ADGRF1: variants seen among roughly 807,000 people sequenced by gnomAD.
ADGRF1 encodes adhesion G protein-coupled receptor F1.
Under a neutral mutation model 87.2 loss-of-function variants are expected in ADGRF1, and 85 were observed. The observed-to-expected ratio is 0.97, with a 90% confidence interval of 0.82 to 1.17. The LOEUF (loss-of-function observed/expected upper bound fraction) is 1.17, where lower values mean the gene tolerates loss of function less well. ADGRF1 is among the 50% of genes most tolerant of loss of function. The pLI, the probability that ADGRF1 is intolerant of heterozygous loss-of-function variation, is 0.00. For synonymous variants in ADGRF1, 430 were observed against 408.8 expected, an observed-to-expected ratio of 1.05 and a Z score of -0.63; for missense variants, 1,169 against 1,077.2, an observed-to-expected ratio of 1.09 and a Z score of -1.19.
At chr6:47,014,046 C>T in intron 9 of ADGRF1, 1 of 162,818 alleles carries the variant, frequency 6.1e-6, no homozygotes, top group East Asian at 1.9e-4. Context: ...TACCCAGTCT[C>T]AAATAGTTCT....
At position 47,012,024 on chromosome 6, in the gene ADGRF1, A is replaced by G; in HGVS notation, c.1099T>C (p.Ser367Pro). ...GACCATACCTCCATTGTTGAATTGG[A>G]CACCCTGAAATGGCTGGCCAGTGAC... The part of the protein sequence containing the change: ...SLSLASHFRV[S>P]NSTMEDVISI... The change falls in exon 10 of 15, where the codon TCC (serine) becomes CCC (proline). Residue 367 changes from serine (S) to proline (P), a missense_variant. Transcript: ENST00000371253. 1.9e-6 allele frequency: 3 copies of G among 1,613,706 alleles called. No individual in the cohort carries two copies. Among genetic ancestry groups the G allele is most frequent in the Non-Finnish European group, 2.5e-6 (3 of 1,179,756 alleles).
At position 47,010,302 on chromosome 6, in the gene ADGRF1, G is replaced by A. The variant is rs148317089; in HGVS notation, c.1133C>T (p.Ala378Val). The A allele has an allele frequency of 1.2e-4, 197 of 1,607,222 alleles. No homozygotes were observed. Among genetic ancestry groups the A allele is most frequent in the Non-Finnish European group, 2.0e-5 (23 of 1,176,490 alleles). The change falls in exon 11 of 15, where the codon GCT becomes GTT. Residue 378 changes from alanine to valine, a missense_variant. By Grantham distance (64) the Ala-to-Val change is moderately conservative. Transcript: ENST00000371253. ...TGAGGCTGAATTAAGGATATTGTCA[G>A]CTATACTGATGACATCCTGAAACAC... ...NSTMEDVISI[A>V]DNILNSASVT...
At chr6:47,010,343 T>C in intron 10 of ADGRF1, 25 bp from the exon 11 acceptor site, 1 of 1,557,614 alleles carries the variant, frequency 6.4e-7, no homozygotes, top group Non-Finnish European at 8.7e-7. Flanking sequence ...TGAGAGTCAG[T>C]TTGTGTTTTT....
At chr6:47,001,701 T>G in intron 13 of ADGRF1, 134 bp from the exon 14 acceptor site, 1 of 668,706 alleles carries the variant, frequency 1.5e-6, no homozygotes, top group Non-Finnish European at 2.5e-6. Flanking sequence ...TTTAAGAATT[T>G]AGAATGGTTA....
chr6:47,022,804 C>CTTTTTTTTTTTTTT (rs11286179), intron 5 of ADGRF1, among the ~76,000 whole-genome samples: 16 of 119,274 alleles, frequency 1.3e-4, no homozygotes, highest in African/African-American at 2.0e-4. Context: ...TTTCTTTTTT[C>CTTTTTTTTTTTTTT]TTTTTTTTTT....
chr6:47,021,912 T>A (rs758020572), intron 6 of ADGRF1, 46 bp downstream of exon 6: 1 of 1,009,218 alleles, frequency 9.9e-7, no homozygotes. Context: ...CATTTGAACT[T>A]GAGTGTAGCA....
intron 1 of ADGRF1, among the ~76,000 whole-genome samples, chr6:47,033,563 T>C (rs1054433176): frequency 2.0e-5 from 3 of 152,280 alleles, no homozygotes; most frequent in Non-Finnish European, 4.4e-5. Flanking sequence ...GAATTCCCAG[T>C]AGAGCTGTCT....
At chr6:47,013,358 TC>T in intron 9 of ADGRF1, 1 of 985,326 alleles carries the variant, frequency 1.0e-6, no homozygotes, top group Non-Finnish European at 1.2e-6. Flanking sequence ...CTAATCCCCT[TC>T]CCCAGTTTAC....
intron 4 of ADGRF1, among the ~76,000 whole-genome samples, chr6:47,025,216 G>A (rs1554136804): frequency 1.3e-5 from 2 of 152,112 alleles, no homozygotes; most frequent in Non-Finnish European, 2.9e-5. Context: ...TACCCATGGT[G>A]TGCAGTGAAT....
chr6:47,028,908 C>T, intron 2 of ADGRF1, 85 bp downstream of exon 2: 1 of 1,006,492 alleles, frequency 9.9e-7, no homozygotes, highest in South Asian at 1.3e-5. Flanking sequence ...AGTTGCAGTC[C>T]CCTAGAGAGT....
rs1395604385 is a variant in ADGRF1, at chr6:46,999,481, T to C, written c.*741A>G. The C allele has an allele frequency of 6.6e-6, 1 of 152,078 alleles. No individual in the cohort carries two copies. Among genetic ancestry groups the C allele is most frequent in the African/African-American group, 2.4e-5 (1 of 41,450 alleles). 9.4% of individuals were successfully genotyped at this position (152,078 alleles called of 1,614,324 possible). On this transcript the variant is annotated 3_prime_UTR_variant, in exon 15 of 15. Transcript: ENST00000371253. ...GGCTTCACAATCTTTGGCAAGTCACTTTACCTCTCTGAGCCCCCATGCCCT... is the reference window on the plus strand; with the variant it reads ...GGCTTCACAATCTTTGGCAAGTCACCTTACCTCTCTGAGCCCCCATGCCCT...
chr6:47,015,400 T>A (rs1304427260), intron 8 of ADGRF1, among the ~76,000 whole-genome samples: 1 of 150,280 alleles, frequency 6.7e-6, no homozygotes, highest in African/African-American at 2.5e-5. Context: ...AACTGGAAGA[T>A]CCACAAGGGC....
At chr6:47,033,568 CTG>C (rs1225264209) in intron 1 of ADGRF1, among the ~76,000 whole-genome samples, 2 of 152,284 alleles carry the variant, frequency 1.3e-5, no homozygotes, top group East Asian at 1.9e-4. Flanking sequence ...CCCAGTAGAG[CTG>C]TCTCTTTCCT....
chr6:47,009,694 T>C lies in ADGRF1; in HGVS notation c.1741A>G (p.Ile581Val), dbSNP rs767072698. 4.3e-6 allele frequency: 7 copies of C among 1,614,014 alleles called. No individual in the cohort carries two copies. The African/African-American group carries it at 6.7e-5, about 15-fold the overall frequency. ...GTGATCCATTTTACAACGGGGAAGA[T>C]TGTAGAGGGGACAAAAGGTGACATC... is the stretch of plus-strand genomic sequence containing the variant. ...ILMSPFVPST[I>V]FPVVKWITYV... is the part of the protein sequence containing the mutation. Residue 581 changes from isoleucine to valine, a missense_variant, in exon 11 of 15, where the codon ATC becomes GTC. Physicochemically the swap from Ile to Val is conservative, Grantham distance 29. Transcript: ENST00000371253.
At position 47,012,011 on chromosome 6, in the gene ADGRF1, A is replaced by G. The variant is rs1779721481; in HGVS notation, c.1112T>C (p.Met371Thr). ...TCAAGCACAGGCAGACCATACCTCC[A>G]TTGTTGAATTGGACACCCTGAAATG... ...ASHFRVSNST[M>T]EDVISIADNI... is the part of the protein sequence containing the mutation. The change falls in exon 10 of 15, where the codon ATG (methionine) becomes ACG (threonine). Residue 371 changes from methionine to threonine, a missense_variant. Physicochemically the swap from Met to Thr is moderately conservative, Grantham distance 81. Coordinates refer to ENST00000371253, the MANE Select transcript of ADGRF1 (RefSeq NM_153840.4). The G allele has an allele frequency of 2.5e-6, 4 of 1,613,074 alleles. No homozygotes were observed. The African/African-American group carries it at 4.0e-5, about 16-fold the overall frequency.
At chr6:47,030,561 T>C (rs1177201948) in intron 1 of ADGRF1, among the ~76,000 whole-genome samples, 4 of 148,666 alleles carry the variant, frequency 2.7e-5, no homozygotes, top group African/African-American at 5.0e-5. Flanking sequence ...AAGAAAGATA[T>C]GTGATAACAT....
intron 1 of ADGRF1, among the ~76,000 whole-genome samples, chr6:47,038,638 G>T (rs1052631795): frequency 1.3e-5 from 2 of 152,022 alleles, no homozygotes; most frequent in Non-Finnish European, 2.9e-5. Flanking sequence ...ATATATTATT[G>T]TTAAGTATAA....
intron 5 of ADGRF1, among the ~76,000 whole-genome samples, chr6:47,023,506 A>C (rs1336803137): frequency 6.6e-6 from 1 of 152,186 alleles, no homozygotes; most frequent in African/African-American, 2.4e-5. Context: ...CATAAATCTA[A>C]GTTAACCATA....
chr6:46,998,034 A>T lies in ADGRF1; in HGVS notation c.*2188T>A, dbSNP rs1779260570. 1 of 152,202 alleles carries T rather than the reference A, an allele frequency of 6.6e-6. No homozygotes were observed. Among genetic ancestry groups the T allele is most frequent in the Admixed American group, 6.5e-5 (1 of 15,286 alleles). The allele number at this position is 152,202 out of a possible 1,614,324, so 9.4% of individuals were successfully genotyped here. ...CCCTCTCCAACTGAGTCTTGTGTTG[A>T]GTTGCCTACTTGCGCTAGCACATCT... On this transcript the variant is annotated 3_prime_UTR_variant, in exon 15 of 15. Transcript: ENST00000371253.
Sources: allele counts gnomAD v4.1 joint callset (sites outside exome capture counted in the v4.1 genomes callset), GRCh38; gene constraint gnomAD v4.1.1; transcripts MANE v1.5; gene names NCBI Gene and HGNC (gene_info 2026-07-23, HGNC 2026-07-21).